MAP4: variants seen among roughly 807,000 people sequenced by gnomAD.
MAP4 encodes microtubule-associated protein 4.
A neutral mutation model predicts 170.2 loss-of-function variants in MAP4; 76 were observed. The ratio of observed to expected loss-of-function variants is 0.45; its 90% CI spans 0.37 to 0.54. The LOEUF is 0.54. Among genes scored for constraint, MAP4 ranks in the 20% least tolerant of loss-of-function variants. The pLI, the probability that MAP4 is intolerant of heterozygous loss-of-function variation, is 0.00. For missense variants in MAP4, 2,506 were observed against 2,748.0 expected, an observed-to-expected ratio of 0.91 and a Z score of 1.97; for synonymous variants, 909 against 994.5, an observed-to-expected ratio of 0.91 and a Z score of 1.62.
chr3:47,856,309 T>G (rs1010139067), intron 18 of MAP4, among the ~76,000 whole-genome samples: 1 of 152,132 alleles, frequency 6.6e-6, no homozygotes, highest in South Asian at 2.1e-4. Context: ...AGTGACTCAG[T>G]GTCATTAGAG....
Position 47,916,068 on chromosome 3 carries a change from CT to C in MAP4, c.1758del (p.Val587PhefsTer15). The C allele has an allele frequency of 6.2e-7, 1 of 1,614,218 alleles. No individual in the cohort carries two copies. The highest frequency in any genetic ancestry group is 8.5e-7 in the Non-Finnish European group (1 of 1,180,030). On this transcript the variant is annotated frameshift_variant, in exon 7 of 21. Coordinates refer to ENST00000683076, the MANE Select transcript of MAP4 (RefSeq NM_001385682.1). LOFTEE classifies it high-confidence loss of function. ...VPPLSETEATPVPIKDMEIAQ... is the reference protein window; with the variant it reads ...VPPLSETEATXVPIKDMEIAQ... ...GCAATTTCCATGTCTTTAATTGGAA[CT>C]GGTGTTGCCTCTGTTTCTGAGAGTG...
At position 47,911,771 on chromosome 3, in the gene MAP4, T is replaced by C; in HGVS notation, c.2650A>G (p.Asn884Asp). The change falls in exon 9 of 21, where the codon AAC becomes GAC. Residue 884 changes from asparagine to aspartate, a missense_variant. Around this residue, in one of 3 missense-constraint regions of MAP4, gnomAD observed 2,008 missense variants for 2,206.0 expected, o/e 0.91. Transcript: ENST00000683076. This position sits in a 1 kb window ranked among gnomAD's most constrained non-coding sequence, Gnocchi z 4.0. ...TCTTGGTTTTGTAGTACTGACTTGT[T>C]ACTTTTGCTCTCTTCCTCTACTCTC... ...KLRVEEESKS[N>D]KSVLQNQDKK... 6.5e-7 allele frequency: 1 copy of C among 1,536,186 alleles called. No individual in the cohort carries two copies. Among genetic ancestry groups the C allele is most frequent in the Non-Finnish European group, 8.7e-7 (1 of 1,146,910 alleles).
In MAP4 at chr3:47,875,876, T is replaced by C; in HGVS notation, c.5566A>G (p.Lys1856Glu). 1 of 1,612,180 alleles carries C rather than the reference T, an allele frequency of 6.2e-7. No homozygotes were observed. The highest frequency in any genetic ancestry group is 1.1e-5 in the South Asian group (1 of 90,744). ...GTTTTGGCTTTCGATGTTGAAGTCT[T>C]TGCAGGTTGAGTGGTGGCCAAAGGC... ...TKPLATTQPAKTSTSKAKTQP... is the reference protein window; with the variant it reads ...TKPLATTQPAETSTSKAKTQP... The change falls in exon 12 of 21, where the codon AAG (lysine) becomes GAG (glutamate). Residue 1856 changes from lysine to glutamate, a missense_variant. Around this residue, in one of 3 missense-constraint regions of MAP4, gnomAD observed 2,008 missense variants for 2,206.0 expected, o/e 0.91. Coordinates refer to ENST00000683076, the MANE Select transcript of MAP4 (RefSeq NM_001385682.1).
At chr3:48,018,789 T>C (rs943238353), upstream of MAP4, among the ~76,000 whole-genome samples, 7 of 151,866 alleles carry the variant, frequency 4.6e-5, no homozygotes, top group East Asian at 1.4e-3. Context: ...GGTGACAGAG[T>C]GAGACTCTGT....
At chr3:48,061,776 C>A (rs2100135566) in intron 1 of MAP4, among the ~76,000 whole-genome samples, 1 of 151,064 alleles carries the variant, frequency 6.6e-6, no homozygotes, top group Non-Finnish European at 1.5e-5. Flanking sequence ...GCCAGCCGCC[C>A]CGTCCGGGAG....
intron 10 of MAP4, chr3:47,891,932 C>G (rs1336680733): frequency 6.5e-7 from 1 of 1,536,120 alleles, no homozygotes; most frequent in East Asian, 2.4e-5. Context: ...TGGATGAAAG[C>G]TGGGGTTCCA....
At chr3:47,994,881 G>A (rs1207230173) in intron 2 of MAP4, among the ~76,000 whole-genome samples, 2 of 151,910 alleles carry the variant, frequency 1.3e-5, no homozygotes, top group South Asian at 2.1e-4. Flanking sequence ...CCTGGGAGGC[G>A]GAGGATGCAG....
intron 1 of MAP4, among the ~76,000 whole-genome samples, chr3:48,045,100 T>C (rs2100123721): frequency 6.8e-6 from 1 of 147,586 alleles, no homozygotes. Context: ...CTACTAAAAA[T>C]ACAAAAAATT....
At position 48,061,898 on chromosome 3, in the gene MAP4, G is replaced by A. The variant is rs551901213; in HGVS notation, c.-20+26875C>T. Among the ~76,000 whole-genome samples, 1,223 of 132,154 alleles carry A rather than the reference G, an allele frequency of 9.3e-3. 15 individuals carry two copies. The highest frequency in any genetic ancestry group is 0.032 in the African/African-American group (1,114 of 34,998). The allele number at this position is 132,154 out of a possible 152,430, so 86.7% of individuals were successfully genotyped here. On this transcript the variant is annotated intron_variant, in intron 1 of 18. Transcript: ENST00000360240. ...CGGGAGGTGGGGGGCGCCTCCGCCC[G>A]GCCGCCACCCCGTCCGGGAGGTGGG...
chr3:48,006,128 T>G (rs557887104), intron 1 of MAP4, among the ~76,000 whole-genome samples: 4 of 152,292 alleles, frequency 2.6e-5, no homozygotes, highest in African/African-American at 9.6e-5. Context: ...AAAAGACTAA[T>G]TTGAATTATA....
At chr3:48,086,094 G>A (rs2100148856) in intron 1 of MAP4, among the ~76,000 whole-genome samples, 1 of 149,986 alleles carries the variant, frequency 6.7e-6, no homozygotes, top group South Asian at 2.1e-4. Context: ...ATGTATGTGT[G>A]TATATATATG....
chr3:48,039,001 G>T (rs1263727019), intron 1 of MAP4, among the ~76,000 whole-genome samples: 3 of 152,014 alleles, frequency 2.0e-5, no homozygotes, highest in African/African-American at 7.2e-5. Flanking sequence ...ATTTGGGAGG[G>T]CTAAGATAGG....
At chr3:47,990,827 C>T (rs2100091706) in intron 2 of MAP4, among the ~76,000 whole-genome samples, 1 of 77,646 alleles carries the variant, frequency 1.3e-5, no homozygotes, top group South Asian at 6.2e-4. Context: ...TCAGGAAGTA[C>T]ATAATTTTCT....
chr3:48,032,467 C>A (rs2100116689), intron 1 of MAP4, among the ~76,000 whole-genome samples: 1 of 151,086 alleles, frequency 6.6e-6, no homozygotes, highest in Non-Finnish European at 1.5e-5. Context: ...CGCACCACTA[C>A]ACTCCAGCCT....
In MAP4 at chr3:47,916,346, G is replaced by A. The variant is rs529075632; in HGVS notation, c.1481C>T (p.Pro494Leu). 6.4e-5 allele frequency: 103 copies of A among 1,614,204 alleles called. No individual in the cohort carries two copies. In the South Asian group the frequency reaches 7.5e-4, roughly 12 times the overall value. ...CAAGCCCACTTCTTTTACTGTGGACGGAGCCACATCCTTGGCCGGGGCTAT... is the reference window on the plus strand; with the variant it reads ...CAAGCCCACTTCTTTTACTGTGGACAGAGCCACATCCTTGGCCGGGGCTAT... ...TEIAPAKDVA[P>L]STVKEVGLLK... Residue 494 changes from proline to leucine, a missense_variant, in exon 7 of 21, where the codon CCG becomes CTG. By Grantham distance (98) the Pro-to-Leu change is moderately conservative. Around this residue, in one of 3 missense-constraint regions of MAP4, gnomAD observed 2,008 missense variants for 2,206.0 expected, o/e 0.91. Coordinates refer to ENST00000683076, the MANE Select transcript of MAP4 (RefSeq NM_001385682.1).
chr3:47,971,009 A>G (rs1021180873), intron 3 of MAP4, among the ~76,000 whole-genome samples: 20 of 152,328 alleles, frequency 1.3e-4, no homozygotes, highest in African/African-American at 4.8e-4. Context: ...TAAACACTCT[A>G]AACGTAAATG....
chr3:47,901,978 A>C (rs1349192557), intron 10 of MAP4, among the ~76,000 whole-genome samples: 2 of 152,088 alleles, frequency 1.3e-5, no homozygotes, highest in Non-Finnish European at 2.9e-5. Context: ...TGGGCAACAG[A>C]GTGAGACCCC....
chr3:48,021,635 C>T (rs1247167643), intron 1 of MAP4, among the ~76,000 whole-genome samples: 3 of 152,166 alleles, frequency 2.0e-5, no homozygotes, highest in Non-Finnish European at 4.4e-5. Flanking sequence ...CGTGAGACAC[C>T]ACGCCCGGCC....
rs374858182 is a variant in MAP4 at position 47,998,888 on chromosome 3, G to A, written c.-19-9C>T. 7.4e-5 allele frequency: 109 copies of A among 1,475,582 alleles called. No individual in the cohort carries two copies. Among genetic ancestry groups the A allele is most frequent in the Admixed American group, 1.9e-4 (11 of 59,258 alleles). 91.4% of individuals were successfully genotyped at this position (1,475,582 alleles called of 1,614,324 possible). A position where few individuals can be genotyped will look rare whatever the true frequency, so the allele number is the denominator to read the frequency against. ...TGCACCACTGCAACTGCCTGGTGAA[G>A]AGGAAAAAGATCTTTCATGTAACGA... On this transcript the variant is annotated splice_polypyrimidine_tract_variant and intron_variant, in intron 1 of 20. Coordinates refer to ENST00000683076, the MANE Select transcript of MAP4 (RefSeq NM_001385682.1).
Sources: gnomAD v4.1 joint callset for allele counts (sites outside exome capture counted in the v4.1 genomes callset) on GRCh38, gnomAD v4.1.1 for gene constraint, gnomAD v4.1.1 regional missense constraint, Gnocchi (gnomAD v3.1) non-coding constraint, MANE v1.5 for transcripts, NCBI Gene and HGNC (gene_info 2026-07-23, HGNC 2026-07-21) for gene names.